AHCYL2: variants seen among roughly 807,000 people sequenced by gnomAD.
AHCYL2 encodes adenosylhomocysteinase like 2.
Under a neutral mutation model 81.4 loss-of-function variants are expected in AHCYL2, and 28 were observed. That is an observed-to-expected ratio of 0.34 (90% CI 0.25 to 0.47). The LOEUF is 0.47. AHCYL2 is among the 20% of genes least tolerant of loss of function. The pLI, the probability that AHCYL2 is intolerant of heterozygous loss-of-function variation, is 1.00. For missense variants in AHCYL2, 551 were observed against 785.1 expected (o/e 0.70, Z 3.56); for synonymous variants, 272 against 290.2 (o/e 0.94, Z 0.64).
chr7:129,312,360 A>G (rs545738214), intron 1 of AHCYL2, among the ~76,000 whole-genome samples: 13 of 152,216 alleles, frequency 8.5e-5, no homozygotes, highest in Non-Finnish European at 1.5e-4. Context: ...TGCTGGGATT[A>G]CAGGCATGAG....
At chr7:129,352,571 C>G (rs1027368084) in intron 1 of AHCYL2, among the ~76,000 whole-genome samples, 15 of 152,190 alleles carry the variant, frequency 9.9e-5, no homozygotes, top group African/African-American at 3.6e-4. Context: ...ACCTCCAACC[C>G]AGTTGTTCAA....
intron 5 of AHCYL2, among the ~76,000 whole-genome samples, chr7:129,398,340 T>A (rs1000168152): frequency 1.3e-5 from 2 of 149,168 alleles, no homozygotes; most frequent in African/African-American, 4.9e-5. Flanking sequence ...TTTTTTTAAA[T>A]TTAATTTAAT....
rs904442704 is a variant in AHCYL2, at chr7:129,278,990, A to T, written c.363+53551A>T. ...TAGTTTTTATAAGTCTTAAAAACTG[A>T]TAGAGGTAGTCCTCCAGCTTTGTAT... is the stretch of plus-strand genomic sequence containing the variant. On this transcript the variant is annotated intron_variant, in intron 1 of 16. Coordinates refer to ENST00000325006, the MANE Select transcript of AHCYL2 (RefSeq NM_015328.4). Among the ~76,000 whole-genome samples, 6 of 152,240 alleles carry T rather than the reference A, an allele frequency of 3.9e-5. No individual in the cohort carries two copies. In the East Asian group the frequency reaches 7.7e-4, roughly 20 times the overall value.
intron 1 of AHCYL2, among the ~76,000 whole-genome samples, chr7:129,261,895 A>G (rs1795656210): frequency 6.6e-6 from 1 of 152,176 alleles, no homozygotes; most frequent in Admixed American, 6.6e-5. Context: ...CCTCTTAACC[A>G]TTTGCATTCT....
chr7:129,420,372 C>A (rs1368063926), intron 12 of AHCYL2, among the ~76,000 whole-genome samples: 2 of 151,972 alleles, frequency 1.3e-5, no homozygotes, highest in Non-Finnish European at 2.9e-5. Flanking sequence ...AAGAGTATCT[C>A]TTGACTCTTT....
In AHCYL2 at chr7:129,299,369, GTTTTTTTTTTTTTTTTTTTTTTTT is replaced by G. The variant is rs71162592; in HGVS notation, c.363+73949_363+73972del. Among the ~76,000 whole-genome samples, 411 of 46,302 alleles carry G rather than the reference GTTTTTTTTTTTTTTTTTTTTTTTT, an allele frequency of 8.9e-3. 6 individuals are homozygous for G. Among genetic ancestry groups the G allele is most frequent in the East Asian group, 0.074 (82 of 1,104 alleles). 30.4% of individuals were successfully genotyped at this position (46,302 alleles called of 152,430 possible). ...AGGCTGAGGTGGGAGAGTCCAACTT[GTTTTTTTTTTTTTTTTTTTTTTTT>G]TTTTTTTTTTTTTTTTTTGAGATGG... On this transcript the variant is annotated intron_variant, in intron 1 of 16. Transcript: ENST00000325006.
At chr7:129,277,444 A>AT (rs1047186117) in intron 1 of AHCYL2, among the ~76,000 whole-genome samples, 4 of 151,754 alleles carry the variant, frequency 2.6e-5, no homozygotes, top group South Asian at 2.1e-4. Flanking sequence ...CACCCAGCTA[A>AT]TTTTTTTGTA....
intron 1 of AHCYL2, among the ~76,000 whole-genome samples, chr7:129,235,257 CTT>C (rs74870180): frequency 2.8e-5 from 4 of 144,884 alleles, no homozygotes; most frequent in Non-Finnish European, 3.0e-5. Context: ...CATTCTTCTT[CTT>C]TTTTTTTTTT....
intron 1 of AHCYL2, among the ~76,000 whole-genome samples, chr7:129,369,753 T>C (rs1346818250): frequency 6.6e-6 from 1 of 152,048 alleles, no homozygotes; most frequent in Non-Finnish European, 1.5e-5. Context: ...GGTTTCACCA[T>C]GTTGGCCAGG....
chr7:129,384,373 C>T (rs1285326531), intron 2 of AHCYL2, among the ~76,000 whole-genome samples: 1 of 150,772 alleles, frequency 6.6e-6, no homozygotes, highest in Non-Finnish European at 1.5e-5. Flanking sequence ...ATGCAGGATC[C>T]ATGAGAACAG....
At chr7:129,375,474 G>A (rs1484087653) in intron 1 of AHCYL2, among the ~76,000 whole-genome samples, 1 of 152,138 alleles carries the variant, frequency 6.6e-6, no homozygotes, top group South Asian at 2.1e-4. Flanking sequence ...TAATTAGCAA[G>A]TTAATTATAG....
chr7:129,295,634 G>C (rs913758085), intron 1 of AHCYL2, among the ~76,000 whole-genome samples: 2 of 152,188 alleles, frequency 1.3e-5, no homozygotes, highest in Non-Finnish European at 2.9e-5. Context: ...CATACAGTAG[G>C]TGTGCAGTAA....
chr7:129,290,738 G>C (rs927231512), intron 1 of AHCYL2, among the ~76,000 whole-genome samples: 18 of 151,962 alleles, frequency 1.2e-4, no homozygotes, highest in Non-Finnish European at 1.9e-4. Flanking sequence ...AGACCAGCCT[G>C]GTCAAGATGG....
intron 2 of AHCYL2, 135 bp from the exon 3 acceptor site, chr7:129,388,921 C>A: frequency 1.1e-6 from 1 of 873,730 alleles, no homozygotes; most frequent in South Asian, 1.9e-5. Flanking sequence ...ATGTGTATAG[C>A]CTGCAGGTAC....
At position 129,422,922 on chromosome 7, in the gene AHCYL2, T is replaced by C; in HGVS notation, c.1544T>C (p.Ile515Thr). 6.2e-7 allele frequency: 1 copy of C among 1,614,014 alleles called. No homozygotes were observed. Residue 515 changes from isoleucine (I) to threonine (T), a missense_variant, in exon 13 of 17, where the codon ATA (isoleucine) becomes ACA (threonine). Ile to Thr is a moderately conservative substitution (Grantham distance 89, BLOSUM62 -1). Around this residue, in one of 2 missense-constraint regions of AHCYL2, gnomAD observed 316 missense variants for 543.1 expected, o/e 0.58. Transcript: ENST00000325006. ...GTGATATGGCCTGATGGCAAGAGGA[T>C]AGTACTGCTGGCAGAGGTAAGGCTG... ...DHVIWPDGKR[I>T]VLLAEGRLLN...
At chr7:129,288,430 G>A (rs1584746655) in intron 1 of AHCYL2, among the ~76,000 whole-genome samples, 1 of 151,436 alleles carries the variant, frequency 6.6e-6, no homozygotes, top group Non-Finnish European at 1.5e-5. Flanking sequence ...GCGTGATCTC[G>A]GCTCACTGCA....
chr7:129,241,110 T>C (rs981494540), intron 1 of AHCYL2, among the ~76,000 whole-genome samples: 3 of 152,196 alleles, frequency 2.0e-5, no homozygotes, highest in Admixed American at 6.5e-5. Context: ...CTGAGAATTA[T>C]CTTGTTAGGA....
intron 1 of AHCYL2, among the ~76,000 whole-genome samples, chr7:129,269,165 G>A (rs1339683227): frequency 7.0e-6 from 1 of 141,934 alleles, no homozygotes; most frequent in Non-Finnish European, 1.5e-5. Context: ...CTGTTGCCCA[G>A]TCTGAAGTGT....
intron 1 of AHCYL2, among the ~76,000 whole-genome samples, chr7:129,377,382 A>G (rs924811127): frequency 1.3e-5 from 2 of 152,164 alleles, no homozygotes; most frequent in South Asian, 2.1e-4. Flanking sequence ...CTATTGCTGA[A>G]AACAATTTGC....
Sources: gnomAD v4.1 joint callset for allele counts (sites outside exome capture counted in the v4.1 genomes callset) on GRCh38, gnomAD v4.1.1 for gene constraint, gnomAD v4.1.1 regional missense constraint, MANE v1.5 for transcripts, NCBI Gene and HGNC (gene_info 2026-07-23, HGNC 2026-07-21) for gene names.